Variants in SOX6 observed in about 807,000 individuals in gnomAD.
The protein encoded by SOX6 is transcription factor SOX-6.
SOX6 carries 11 observed loss-of-function variants against 97.8 expected under a neutral mutation model. The observed-to-expected ratio is 0.11, with a 90% confidence interval of 0.07 to 0.19. SOX6 has a LOEUF of 0.19. Among genes scored for constraint, SOX6 ranks in the 10% least tolerant of loss-of-function variants. The pLI, the probability that SOX6 is intolerant of heterozygous loss-of-function variation, is 1.00. For missense variants in SOX6, 810 were observed against 1,039.5 expected, an observed-to-expected ratio of 0.78 and a Z score of 3.04; for synonymous variants, 360 against 371.4, an observed-to-expected ratio of 0.97 and a Z score of 0.35.
intron 1 of SOX6, among the ~76,000 whole-genome samples, chr11:16,419,288 A>G (rs1259001936): frequency 1.3e-5 from 2 of 152,198 alleles, no homozygotes; most frequent in Non-Finnish European, 2.9e-5. Context: ...TTTGCCCTAA[A>G]GTAACAAAGA....
chr11:16,156,775 A>T (rs1589981394), intron 6 of SOX6, among the ~76,000 whole-genome samples: 1 of 152,020 alleles, frequency 6.6e-6, no homozygotes, highest in Non-Finnish European at 1.5e-5. Flanking sequence ...TTTTACCCTA[A>T]TATCCATGTC....
chr11:16,232,972 T>G lies in SOX6; in HGVS notation c.535+1610A>C, dbSNP rs538934249. The stretch of plus-strand genomic sequence containing the variant: ...AAAATAATATCCAATTTCCACTGGT[T>G]TCGATACATAATTAGTTAATGCAAT... On this transcript the variant is annotated intron_variant, in intron 4 of 15. Coordinates refer to ENST00000683767, the MANE Select transcript of SOX6 (RefSeq NM_001367873.1). Among the ~76,000 whole-genome samples, 12 of 152,250 alleles carry G rather than the reference T, an allele frequency of 7.9e-5. No individual in the cohort carries two copies. The South Asian group carries it at 2.5e-3, about 32-fold the overall frequency.
At chr11:16,462,254 C>T (rs1368223768) in intron 1 of SOX6, among the ~76,000 whole-genome samples, 2 of 152,218 alleles carry the variant, frequency 1.3e-5, no homozygotes, top group African/African-American at 4.8e-5. Flanking sequence ...TGCAAGCAGG[C>T]CAGCCTGCTT....
rs145952232 is a variant in SOX6, at chr11:16,216,677, T to A, written c.535+17905A>T. Among the ~76,000 whole-genome samples, 632 of 152,226 alleles carry A rather than the reference T, an allele frequency of 4.2e-3. 5 individuals carry two copies. Among genetic ancestry groups the A allele is most frequent in the African/African-American group, 0.013 (545 of 41,548 alleles). Reference sequence around the variant, plus strand: ...CATGTCATCTCATTCAATCATCACTTCTTATTCATTTTTTCTTCATTATTA... The same window carrying A: ...CATGTCATCTCATTCAATCATCACTACTTATTCATTTTTTCTTCATTATTA... On this transcript the variant is annotated intron_variant, in intron 4 of 15. Transcript: ENST00000683767.
chr11:16,170,406 C>T (rs1027367028), intron 6 of SOX6, among the ~76,000 whole-genome samples: 7 of 150,734 alleles, frequency 4.6e-5, no homozygotes, highest in Admixed American at 2.6e-4. Context: ...TTTCAGAATG[C>T]AATGACTTTT....
At chr11:16,526,004 G>A (rs1399074634) in intron 4 of SOX6, among the ~76,000 whole-genome samples, 1 of 152,166 alleles carries the variant, frequency 6.6e-6, no homozygotes, top group Non-Finnish European at 1.5e-5. Context: ...GAGAGGATGT[G>A]GAGAAATAGG....
intron 1 of SOX6, among the ~76,000 whole-genome samples, chr11:16,443,181 C>G (rs1466392284): frequency 6.6e-6 from 1 of 152,188 alleles, no homozygotes; most frequent in South Asian, 2.1e-4. Context: ...AGCTTCCCCC[C>G]AGTTCTTCCG....
chr11:16,194,619 G>C (rs1851722681), intron 4 of SOX6, among the ~76,000 whole-genome samples: 1 of 152,072 alleles, frequency 6.6e-6, no homozygotes, highest in African/African-American at 2.4e-5. Flanking sequence ...TACTAACAAG[G>C]CAAAAATACC....
At chr11:16,500,212 A>C (rs915954492) in intron 4 of SOX6, among the ~76,000 whole-genome samples, 4 of 152,126 alleles carry the variant, frequency 2.6e-5, no homozygotes, top group East Asian at 3.9e-4. Flanking sequence ...ACAAAAACCA[A>C]ATGATTACCT....
At chr11:16,418,948 T>C (rs542983185) in intron 1 of SOX6, among the ~76,000 whole-genome samples, 1 of 152,286 alleles carries the variant, frequency 6.6e-6, no homozygotes, top group African/African-American at 2.4e-5. Flanking sequence ...GAGGCAGTCC[T>C]AGCTGGGTAA....
intron 12 of SOX6, among the ~76,000 whole-genome samples, chr11:16,022,601 C>T (rs544890777): frequency 1.1e-4 from 16 of 152,060 alleles, no homozygotes; most frequent in South Asian, 4.2e-4. Context: ...TTAGCAGAGA[C>T]GGGGTTTCAC....
chr11:16,587,438 T>C (rs2133970778), intron 4 of SOX6, among the ~76,000 whole-genome samples: 1 of 152,348 alleles, frequency 6.6e-6, no homozygotes. Context: ...CCAAGTGTAT[T>C]AGCTTAATAA....
chr11:16,046,794 C>A, intron 11 of SOX6, 93 bp from the exon 12 acceptor site: 1 of 1,297,110 alleles, frequency 7.7e-7, no homozygotes, highest in South Asian at 1.2e-5. Context: ...GCTGCATTCT[C>A]TGAACAAGGA....
intron 8 of SOX6, among the ~76,000 whole-genome samples, chr11:16,097,049 A>C (rs1298498670): frequency 6.6e-6 from 1 of 151,794 alleles, no homozygotes; most frequent in African/African-American, 2.4e-5. Context: ...CTTTCCCCCC[A>C]AGTTTAGCTT....
At chr11:16,546,797 A>G (rs939562724) in intron 4 of SOX6, among the ~76,000 whole-genome samples, 3 of 152,216 alleles carry the variant, frequency 2.0e-5, no homozygotes, top group Non-Finnish European at 4.4e-5. Context: ...TGAATAGCAA[A>G]GGAAATAATC....
At chr11:16,416,161 C>A (rs1858922782) in intron 1 of SOX6, among the ~76,000 whole-genome samples, 1 of 152,176 alleles carries the variant, frequency 6.6e-6, no homozygotes, top group Non-Finnish European at 1.5e-5. Flanking sequence ...GAAAAATACA[C>A]CTTCACATTT....
At chr11:16,619,156 T>C (rs1848508334) in intron 3 of SOX6, among the ~76,000 whole-genome samples, 1 of 151,890 alleles carries the variant, frequency 6.6e-6, no homozygotes. Flanking sequence ...ACAATAACAC[T>C]ACTAGCTAGC....
At chr11:16,373,699 G>A (rs371320500) in intron 1 of SOX6, among the ~76,000 whole-genome samples, 1 of 149,028 alleles carries the variant, frequency 6.7e-6, no homozygotes, top group Non-Finnish European at 1.5e-5. Context: ...TAATCCTTAA[G>A]AATAAAAGTA....
intron 9 of SOX6, among the ~76,000 whole-genome samples, chr11:16,063,500 A>T (rs1243598454): frequency 4.8e-3 from 25 of 5,244 alleles, no homozygotes; most frequent in African/African-American, 0.012. Flanking sequence ...ATAATTTTAT[A>T]TATATATATA....
Sources: gnomAD v4.1 joint callset for allele counts (sites outside exome capture counted in the v4.1 genomes callset) on GRCh38, gnomAD v4.1.1 for gene constraint, MANE v1.5 for transcripts, NCBI Gene and HGNC (gene_info 2026-07-23, HGNC 2026-07-21) for gene names.